NAALADL2: variants seen among roughly 807,000 people sequenced by gnomAD.
The protein encoded by NAALADL2 is inactive N-acetylated-alpha-linked acidic dipeptidase-like protein 2.
Under a neutral mutation model 87.2 loss-of-function variants are expected in NAALADL2, and 76 were observed. That is an observed-to-expected ratio of 0.87 (90% CI 0.72 to 1.05). NAALADL2 has a LOEUF of 1.05. Ranked by LOEUF, NAALADL2 falls within the 50% of genes least tolerant of loss-of-function variation. NAALADL2 has a pLI of 0.00. For synonymous variants in NAALADL2, 354 were observed against 331.0 expected (o/e 1.07, Z -0.75); for missense variants, 1,089 against 945.8 (o/e 1.15, Z -1.99).
At chr3:175,193,966 G>C (rs898336804) in intron 2 of NAALADL2, among the ~76,000 whole-genome samples, 2 of 151,958 alleles carry the variant, frequency 1.3e-5, no homozygotes, top group East Asian at 3.9e-4. Flanking sequence ...TGTGTGCAAA[G>C]TGCTAGCAGC....
intron 2 of NAALADL2, among the ~76,000 whole-genome samples, chr3:175,133,011 C>T (rs562055717): frequency 4.9e-5 from 7 of 142,856 alleles, no homozygotes; most frequent in South Asian, 4.5e-4. Flanking sequence ...CAGACGGAGT[C>T]GCAGCCAGGT....
intron 10 of NAALADL2, among the ~76,000 whole-genome samples, chr3:175,603,172 T>C (rs1184827949): frequency 6.6e-6 from 1 of 152,198 alleles, no homozygotes; most frequent in African/African-American, 2.4e-5. Flanking sequence ...ATGTCCTTTA[T>C]AGCGTTTATT....
intron 2 of NAALADL2, among the ~76,000 whole-genome samples, chr3:175,161,944 A>G (rs1004920212): frequency 5.3e-5 from 8 of 151,960 alleles, no homozygotes; most frequent in African/African-American, 1.7e-4. Flanking sequence ...CATTTTAACA[A>G]TTTTTTTACA....
chr3:175,656,057 T>C (rs111381739), intron 11 of NAALADL2, among the ~76,000 whole-genome samples: 15 of 152,330 alleles, frequency 9.8e-5, no homozygotes, highest in African/African-American at 3.6e-4. Context: ...GGCTAACGTC[T>C]CAAAGCTGGT....
intron 5 of NAALADL2, among the ~76,000 whole-genome samples, chr3:175,349,424 G>A (rs562817103): frequency 2.6e-5 from 4 of 152,158 alleles, no homozygotes; most frequent in South Asian, 2.1e-4. Flanking sequence ...TAGAGTGTGC[G>A]GAGGGGGAAA....
At chr3:175,705,778 C>T (rs1333985077) in intron 11 of NAALADL2, among the ~76,000 whole-genome samples, 1 of 152,082 alleles carries the variant, frequency 6.6e-6, no homozygotes, top group Non-Finnish European at 1.5e-5. Flanking sequence ...TGGTAAACCT[C>T]AAGTTAGAAC....
intron 2 of NAALADL2, among the ~76,000 whole-genome samples, chr3:175,226,323 A>G (rs1157168503): frequency 6.6e-6 from 1 of 152,082 alleles, no homozygotes; most frequent in Non-Finnish European, 1.5e-5. Context: ...TTACATTGCT[A>G]CATTAATTTC....
At chr3:175,653,691 T>C in intron 11 of NAALADL2, among the ~76,000 whole-genome samples, 1 of 152,240 alleles carries the variant, frequency 6.6e-6, no homozygotes, top group Non-Finnish European at 1.5e-5. Context: ...TGTTTCAGGC[T>C]TGATGGCTTT....
At chr3:175,303,105 T>C (rs1560320148) in intron 4 of NAALADL2, among the ~76,000 whole-genome samples, 1 of 152,162 alleles carries the variant, frequency 6.6e-6, no homozygotes. Flanking sequence ...ACACATGGCA[T>C]GACTGAAAAG....
chr3:174,809,573 A>C (rs1221725843), intron 3 of NAALADL2, among the ~76,000 whole-genome samples: 1 of 152,142 alleles, frequency 6.6e-6, no homozygotes, highest in African/African-American at 2.4e-5. Context: ...GGTTTATACA[A>C]ATTTTTTTCA....
Position 175,256,546 on chromosome 3 carries a change from G to A in NAALADL2, c.939+16G>A, listed in dbSNP as rs1024642907. 4.4e-6 allele frequency: 7 copies of A among 1,604,664 alleles called. No individual in the cohort carries two copies. Among genetic ancestry groups the A allele is most frequent in the African/African-American group, 1.3e-5 (1 of 74,324 alleles). On this transcript the variant is annotated intron_variant, in intron 4 of 13. Transcript: ENST00000454872. ...GCTTTATAAGGTTGGTCCAGTGAAT[G>A]TTATTCAGTGGTTTGGTCAATATTT...
chr3:175,683,021 A>C (rs1735795575), intron 11 of NAALADL2, among the ~76,000 whole-genome samples: 1 of 152,034 alleles, frequency 6.6e-6, no homozygotes, highest in Non-Finnish European at 1.5e-5. Context: ...GCTGGAATGC[A>C]GCTGAATGCA....
At chr3:175,386,738 G>C (rs758073217) in intron 5 of NAALADL2, among the ~76,000 whole-genome samples, 11 of 152,068 alleles carry the variant, frequency 7.2e-5, no homozygotes, top group Non-Finnish European at 1.6e-4. Flanking sequence ...TTCCAGCTCT[G>C]TTCTGCCTGA....
intron 1 of NAALADL2, among the ~76,000 whole-genome samples, chr3:175,085,788 T>C (rs1718778502): frequency 2.0e-5 from 3 of 152,090 alleles, no homozygotes; most frequent in Admixed American, 2.0e-4. Context: ...CATGGTGGCA[T>C]GTGCCTGTAG....
intron 10 of NAALADL2, among the ~76,000 whole-genome samples, chr3:175,589,709 A>G (rs1392902365): frequency 2.0e-5 from 3 of 150,950 alleles, no homozygotes; most frequent in Non-Finnish European, 4.4e-5. Flanking sequence ...TAGAATTGAT[A>G]TTTGTTCCTC....
At position 175,181,767 on chromosome 3, in the gene NAALADL2, G is replaced by GTGTATATA. The variant is rs1430499104; in HGVS notation, c.546-52161_546-52160insATATATGT. Reference sequence around the variant, plus strand: ...TATGTATATATATGTGTGTATATATGTGTGTATATATGTATATATATGTGT... The same window carrying GTGTATATA: ...TATGTATATATATGTGTGTATATATGTGTATATATGTGTATATATGTATATATATGTGT... On this transcript the variant is annotated intron_variant, in intron 2 of 13. Coordinates refer to ENST00000454872, the MANE Select transcript of NAALADL2 (RefSeq NM_207015.3). Among the ~76,000 whole-genome samples the GTGTATATA allele has an allele frequency of 3.1e-3, 379 of 121,026 alleles. 3 individuals are homozygous for GTGTATATA. The highest frequency in any genetic ancestry group is 0.011 in the African/African-American group (347 of 31,126). The allele number at this position is 121,026 out of a possible 152,430, so 79.4% of individuals were successfully genotyped here.
intron 1 of NAALADL2, chr3:175,059,833 C>G: frequency 3.2e-6 from 1 of 311,440 alleles, no homozygotes; most frequent in Non-Finnish European, 6.5e-6. Flanking sequence ...GAAGGCTGGC[C>G]TTTTCTTTTC....
intron 2 of NAALADL2, among the ~76,000 whole-genome samples, chr3:174,609,644 A>G (rs1719577504): frequency 6.6e-6 from 1 of 151,954 alleles, no homozygotes; most frequent in African/African-American, 2.4e-5. Flanking sequence ...AGTACAAACC[A>G]CTCCTCAATG....
intron 9 of NAALADL2, among the ~76,000 whole-genome samples, chr3:175,563,271 T>C (rs1354004320): frequency 6.6e-6 from 1 of 152,172 alleles, no homozygotes; most frequent in Non-Finnish European, 1.5e-5. Flanking sequence ...TGCTCTTTTG[T>C]ATTTATCTCA....
Sources: gnomAD v4.1 joint callset for allele counts (sites outside exome capture counted in the v4.1 genomes callset) on GRCh38, gnomAD v4.1.1 for gene constraint, MANE v1.5 for transcripts, NCBI Gene and HGNC (gene_info 2026-07-23, HGNC 2026-07-21) for gene names.